The following ZNF277 variants were observed in gnomAD, a reference collection of about 807,000 sequenced individuals.
ZNF277 encodes nuclear receptor-interacting factor 4.
ZNF277 carries 55 observed loss-of-function variants against 60.7 expected under a neutral mutation model. The ratio of observed to expected loss-of-function variants is 0.91; its 90% confidence interval spans 0.73 to 1.13. ZNF277 has a LOEUF of 1.13. Ranked by LOEUF, ZNF277 falls within the 50% of genes most tolerant of loss-of-function variation. ZNF277 has a pLI of 0.00. For missense variants in ZNF277, 510 were observed against 523.0 expected (o/e 0.98, Z 0.24); for synonymous variants, 178 against 179.3 (o/e 0.99, Z 0.06).
At chr7:112,315,844 T>C (rs1792832638) in intron 4 of ZNF277, among the ~76,000 whole-genome samples, 1 of 152,124 alleles carries the variant, frequency 6.6e-6, no homozygotes, top group Non-Finnish European at 1.5e-5. Flanking sequence ...GTGGCTCATT[T>C]GTATTGAATT....
intron 1 of ZNF277, among the ~76,000 whole-genome samples, chr7:112,265,976 A>G (rs1041847943): frequency 2.0e-5 from 3 of 152,156 alleles, no homozygotes; most frequent in Non-Finnish European, 4.4e-5. Context: ...AAGAAGGGTC[A>G]GTATTTGGAG....
chr7:112,212,174 T>A (rs1274422496), intron 1 of ZNF277, among the ~76,000 whole-genome samples: 2 of 152,238 alleles, frequency 1.3e-5, no homozygotes, highest in African/African-American at 4.8e-5. Flanking sequence ...TTACATTTTT[T>A]AAAAGAATAC....
At chr7:112,256,291 G>C (rs1004833729) in intron 1 of ZNF277, among the ~76,000 whole-genome samples, 1 of 151,858 alleles carries the variant, frequency 6.6e-6, no homozygotes, top group Non-Finnish European at 1.5e-5. Flanking sequence ...CTTATACATA[G>C]AAATAAGAAA....
In ZNF277 at chr7:112,232,732, G is replaced by A. The variant is rs527650232; in HGVS notation, c.91+25925G>A. On this transcript the variant is annotated intron_variant, in intron 1 of 11. Coordinates refer to ENST00000361822, the MANE Select transcript of ZNF277 (RefSeq NM_021994.3). ...CTAAGTCAAAAATATGGTGGTGCACGTCCTATCCCATTGACCTCACTTCAC... is the reference window on the plus strand; with the variant it reads ...CTAAGTCAAAAATATGGTGGTGCACATCCTATCCCATTGACCTCACTTCAC... Among the ~76,000 whole-genome samples the A allele has an allele frequency of 6.6e-5, 10 of 152,222 alleles. No homozygotes were observed. The East Asian group carries it at 9.7e-4, about 15-fold the overall frequency.
chr7:112,283,366 T>C (rs1282567409), intron 1 of ZNF277, among the ~76,000 whole-genome samples: 1 of 151,980 alleles, frequency 6.6e-6, no homozygotes, highest in African/African-American at 2.4e-5. Flanking sequence ...CTACTGAAAA[T>C]ACAAAAATTA....
chr7:112,261,460 G>C (rs887965519), intron 1 of ZNF277, among the ~76,000 whole-genome samples: 3 of 152,060 alleles, frequency 2.0e-5, no homozygotes, highest in African/African-American at 7.2e-5. Flanking sequence ...TTCAGATTAA[G>C]AAAACTGATT....
intron 1 of ZNF277, among the ~76,000 whole-genome samples, chr7:112,269,944 C>G (rs539032672): frequency 6.6e-6 from 1 of 152,010 alleles, no homozygotes; most frequent in Non-Finnish European, 1.5e-5. Context: ...ACTTTGCATT[C>G]CACAAAATCA....
intron 1 of ZNF277, among the ~76,000 whole-genome samples, chr7:112,284,904 A>G (rs890332327): frequency 6.6e-6 from 1 of 152,092 alleles, no homozygotes; most frequent in Non-Finnish European, 1.5e-5. Context: ...TGTACCTTCA[A>G]ACAGACTGTG....
chr7:112,263,976 C>G (rs1489448719), intron 1 of ZNF277, among the ~76,000 whole-genome samples: 6 of 152,102 alleles, frequency 3.9e-5, no homozygotes, highest in Non-Finnish European at 7.4e-5. Context: ...ATCTTCACCT[C>G]TGGAAACACA....
chr7:112,301,866 C>A (rs760289542), intron 4 of ZNF277, among the ~76,000 whole-genome samples: 2 of 152,024 alleles, frequency 1.3e-5, no homozygotes, highest in Non-Finnish European at 2.9e-5. Context: ...GAAATTTCAT[C>A]CTGAAGTATT....
rs1397600484 is a variant in ZNF277 at position 112,296,858 on chromosome 7, TTTTTA to T, written c.465+562_465+566del. ...ATAACAGCACATACAAGCATGAAAA[TTTTTA>T]TTTTATTTTATTTTCTTATTTTTAT... On this transcript the variant is annotated intron_variant, in intron 4 of 11. Transcript: ENST00000361822. Among the ~76,000 whole-genome samples the T allele has an allele frequency of 6.7e-3, 1,000 of 148,320 alleles. 9 individuals are homozygous for T. Among genetic ancestry groups the T allele is most frequent in the African/African-American group, 0.024 (959 of 40,552 alleles).
chr7:112,338,079 A>G lies in ZNF277; in HGVS notation c.966+253A>G, dbSNP rs541010839. ...ATCTCACCTTTGAGATGCTTACAAG[A>G]TCATTCTAGCTCAGCAGGTGGGACA... On this transcript the variant is annotated intron_variant, in intron 9 of 11. Transcript: ENST00000361822. 6.0e-4 allele frequency among the ~76,000 whole-genome samples: 91 copies of G among 152,336 alleles called. No homozygotes were observed. In the South Asian group the frequency reaches 6.4e-3, roughly 11 times the overall value.
In ZNF277 at chr7:112,298,444, G is replaced by A. The variant is rs187930400; in HGVS notation, c.465+2133G>A. Among the ~76,000 whole-genome samples, 267 of 152,232 alleles carry A rather than the reference G, an allele frequency of 1.8e-3. 2 individuals carry two copies. Among genetic ancestry groups the A allele is most frequent in the African/African-American group, 5.6e-3 (231 of 41,550 alleles). ...GGAAAATCGAGTAAAAGTCTACTCCGGCTTAGATAGAAAAATTTTTATGGG... is the reference window on the plus strand; with the variant it reads ...GGAAAATCGAGTAAAAGTCTACTCCAGCTTAGATAGAAAAATTTTTATGGG... On this transcript the variant is annotated intron_variant, in intron 4 of 11. Transcript: ENST00000361822.
At chr7:112,337,025 T>C (rs1042346655) in intron 8 of ZNF277, among the ~76,000 whole-genome samples, 3 of 152,208 alleles carry the variant, frequency 2.0e-5, no homozygotes, top group African/African-American at 7.2e-5. Flanking sequence ...TTGAGAGTCT[T>C]ATCAGTGATC....
intron 1 of ZNF277, among the ~76,000 whole-genome samples, chr7:112,268,347 AT>A (rs145203057): frequency 0.057 from 8,309 of 147,052 alleles, 318 homozygotes; most frequent in South Asian, 0.14. Context: ...GTAGGGCTTA[AT>A]TTTTTTTTTT....
At chr7:112,302,109 AT>A (rs938342926) in intron 4 of ZNF277, among the ~76,000 whole-genome samples, 4 of 151,916 alleles carry the variant, frequency 2.6e-5, no homozygotes, top group African/African-American at 4.8e-5. Context: ...GTATGAAGGT[AT>A]TTTTTTTAAT....
intron 1 of ZNF277, among the ~76,000 whole-genome samples, chr7:112,275,553 C>T (rs969343066): frequency 2.0e-5 from 3 of 151,922 alleles, no homozygotes; most frequent in African/African-American, 7.3e-5. Flanking sequence ...TGTTTTAAAG[C>T]GTATTTTTTA....
intron 1 of ZNF277, among the ~76,000 whole-genome samples, chr7:112,255,190 T>G (rs968901039): frequency 2.0e-5 from 3 of 152,218 alleles, no homozygotes; most frequent in African/African-American, 7.2e-5. Flanking sequence ...GGTTAATACT[T>G]CATTCTTTTT....
chr7:112,265,395 C>G (rs1384398486), intron 1 of ZNF277, among the ~76,000 whole-genome samples: 2 of 152,170 alleles, frequency 1.3e-5, no homozygotes, highest in African/African-American at 4.8e-5. Flanking sequence ...ACACGTTTAT[C>G]TTAAAGTTCA....
Sources: gnomAD v4.1 joint callset for allele counts (sites outside exome capture counted in the v4.1 genomes callset) on GRCh38, gnomAD v4.1.1 for gene constraint, MANE v1.5 for transcripts, NCBI Gene and HGNC (gene_info 2026-07-23, HGNC 2026-07-21) for gene names.